Variants in COL13A1 observed in about 807,000 individuals in gnomAD.
The protein encoded by COL13A1 is collagen alpha-1(XIII) chain.
A neutral mutation model predicts 130.9 loss-of-function variants in COL13A1; 89 were observed. The ratio of observed to expected loss-of-function variants is 0.68; its 90% CI spans 0.57 to 0.81. The LOEUF is 0.81. Ranked by LOEUF, COL13A1 falls within the 30% of genes least tolerant of loss-of-function variation. The pLI, the probability that COL13A1 is intolerant of heterozygous loss-of-function variation, is 0.00. For missense variants in COL13A1, 879 were observed against 934.6 expected (o/e 0.94, Z 0.78); for synonymous variants, 402 against 341.6 (o/e 1.18, Z -1.95).
intron 38 of COL13A1, among the ~76,000 whole-genome samples, chr10:69,951,438 C>T (rs2069549408): frequency 6.6e-6 from 1 of 152,156 alleles, no homozygotes; most frequent in African/African-American, 2.4e-5. Flanking sequence ...TGGTTGACTG[C>T]TGCCTCAAAC....
chr10:69,835,035 T>C (rs146878321), intron 2 of COL13A1, among the ~76,000 whole-genome samples: 5 of 152,238 alleles, frequency 3.3e-5, no homozygotes, highest in African/African-American at 9.6e-5. Context: ...AGCACTGAGG[T>C]GGGAGACTTT....
intron 2 of COL13A1, among the ~76,000 whole-genome samples, chr10:69,844,532 T>C (rs1246320230): frequency 6.6e-6 from 1 of 152,176 alleles, no homozygotes. Context: ...GTAATAATAT[T>C]AGCCACTTCC....
At chr10:69,931,237 C>T (rs886283090) in intron 30 of COL13A1, 1 of 455,604 alleles carries the variant, frequency 2.2e-6, no homozygotes, top group South Asian at 1.5e-5. Context: ...CCTAATCCAG[C>T]TGGGCTCCTG....
rs1214004591 is a variant in COL13A1, at chr10:69,878,073, C to G, written c.462+8C>G. On this transcript the variant is annotated splice_region_variant and intron_variant, in intron 6 of 40. Transcript: ENST00000645393. ...GGCCAACCAGGCGAGAAGGTGAGTC[C>G]ACACTTTCCCCTTCTGCCCTGCACC... 5.7e-6 allele frequency: 4 copies of G among 702,826 alleles called. No homozygotes were observed. Among genetic ancestry groups the G allele is most frequent in the African/African-American group, 5.2e-5 (3 of 57,232 alleles). 43.5% of individuals were successfully genotyped at this position (702,826 alleles called of 1,614,324 possible).
Position 69,816,285 on chromosome 10 carries a change from T to C in COL13A1, c.295-6084T>C, listed in dbSNP as rs1844490731. Reference sequence around the variant, plus strand: ...TGGAATGGGTGTAGGGTGAGAGAAATAGACATCAATGATAATTGTGAGGTT... The same window carrying C: ...TGGAATGGGTGTAGGGTGAGAGAAACAGACATCAATGATAATTGTGAGGTT... On this transcript the variant is annotated intron_variant, in intron 1 of 40. Transcript: ENST00000645393. Among the ~76,000 whole-genome samples the C allele has an allele frequency of 4.7e-5, 7 of 148,394 alleles. No individual in the cohort carries two copies. The South Asian group carries it at 1.5e-3, about 33-fold the overall frequency.
intron 2 of COL13A1, among the ~76,000 whole-genome samples, chr10:69,847,817 C>T (rs555312280): frequency 1.1e-4 from 17 of 152,334 alleles, no homozygotes; most frequent in Admixed American, 5.2e-4. Context: ...ACAGAAACAG[C>T]AAAGAAACCT....
At chr10:69,877,355 G>C (rs1217370024) in intron 5 of COL13A1, 1 of 152,966 alleles carries the variant, frequency 6.5e-6, no homozygotes, top group Non-Finnish European at 1.5e-5. Context: ...TTCCAGAGGT[G>C]TGTGTCCTGC....
At chr10:69,943,111 G>C (rs576444513) in intron 35 of COL13A1, among the ~76,000 whole-genome samples, 1 of 152,312 alleles carries the variant, frequency 6.6e-6, no homozygotes, top group South Asian at 2.1e-4. Flanking sequence ...GCCTCCCAAA[G>C]TGCTGGGATT....
At chr10:69,825,823 C>G (rs956659259) in intron 2 of COL13A1, among the ~76,000 whole-genome samples, 5 of 152,328 alleles carry the variant, frequency 3.3e-5, no homozygotes, top group African/African-American at 1.2e-4. Flanking sequence ...TTCCCAGCAT[C>G]CTCCTGGGAT....
At chr10:69,829,710 C>A (rs560577802) in intron 2 of COL13A1, among the ~76,000 whole-genome samples, 107 of 152,360 alleles carry the variant, frequency 7.0e-4, no homozygotes, top group Non-Finnish European at 1.3e-3. Context: ...GCTCTCTATG[C>A]CCCTCATGGG....
At chr10:69,930,237 C>A in intron 29 of COL13A1, 150 bp downstream of exon 29, 1 of 1,069,912 alleles carries the variant, frequency 9.3e-7, no homozygotes, top group Non-Finnish European at 1.4e-6. Context: ...AGGGGCCCAC[C>A]CTGCAAGCCC....
At chr10:69,825,070 A>C (rs1046502031) in intron 2 of COL13A1, among the ~76,000 whole-genome samples, 1 of 152,136 alleles carries the variant, frequency 6.6e-6, no homozygotes, top group African/African-American at 2.4e-5. Flanking sequence ...AGCAAACCCA[A>C]CCTATTATAA....
At chr10:69,911,921 G>A (rs984556824) in intron 17 of COL13A1, among the ~76,000 whole-genome samples, 3 of 152,200 alleles carry the variant, frequency 2.0e-5, no homozygotes, top group East Asian at 3.9e-4. Context: ...GCACCCCTCC[G>A]GCTCCTGTAG....
At chr10:69,941,544 T>C (rs1006683889) in intron 35 of COL13A1, among the ~76,000 whole-genome samples, 8 of 152,194 alleles carry the variant, frequency 5.3e-5, no homozygotes, top group East Asian at 1.9e-4. Flanking sequence ...TGCAGAAGCA[T>C]AGAAGCCAGT....
intron 6 of COL13A1, among the ~76,000 whole-genome samples, chr10:69,879,186 G>A (rs771295517): frequency 2.6e-5 from 4 of 152,242 alleles, no homozygotes; most frequent in Non-Finnish European, 4.4e-5. Context: ...AGGTGCCCCA[G>A]TGTGTCTGAC....
chr10:69,851,841 G>T (rs1028288120), intron 2 of COL13A1, among the ~76,000 whole-genome samples: 1 of 152,120 alleles, frequency 6.6e-6, no homozygotes, highest in African/African-American at 2.4e-5. Context: ...TTTTAGTAGA[G>T]GTGGGGTTTT....
At chr10:69,843,436 T>C (rs1852152412) in intron 2 of COL13A1, among the ~76,000 whole-genome samples, 1 of 152,200 alleles carries the variant, frequency 6.6e-6, no homozygotes, top group South Asian at 2.1e-4. Context: ...CCATTATGAC[T>C]GCCACTAACC....
At chr10:69,816,255 G>T (rs1479070508) in intron 1 of COL13A1, among the ~76,000 whole-genome samples, 1 of 148,346 alleles carries the variant, frequency 6.7e-6, no homozygotes, top group African/African-American at 2.5e-5. Context: ...AACAGGAATT[G>T]CTAATGGAAT....
chr10:69,945,787 G>A (rs983908442), intron 37 of COL13A1, 63 bp downstream of exon 37: 16 of 1,560,848 alleles, frequency 1.0e-5, no homozygotes, highest in Middle Eastern at 1.8e-4. Context: ...AAATACCCAC[G>A]GCCGGCCGGG....
Sources: allele counts gnomAD v4.1 joint callset (sites outside exome capture counted in the v4.1 genomes callset), GRCh38; gene constraint gnomAD v4.1.1; transcripts MANE v1.5; gene names NCBI Gene and HGNC (gene_info 2026-07-23, HGNC 2026-07-21).